SLIT3: variants seen among roughly 807,000 people sequenced by gnomAD.
SLIT3 encodes the protein slit guidance ligand 3.
In SLIT3, 68 loss-of-function variants were observed where a neutral mutation model predicts 184.0. That is an observed-to-expected ratio of 0.37 (90% CI 0.30 to 0.45). The LOEUF (loss-of-function observed/expected upper bound fraction) is 0.45, where lower values mean the gene tolerates loss of function less well. Among genes scored for constraint, SLIT3 ranks in the 20% least tolerant of loss-of-function variants. The pLI is 1.00. For missense variants in SLIT3, 1,707 were observed against 2,026.0 expected (o/e 0.84, Z 3.02); for synonymous variants, 831 against 828.6 (o/e 1.00, Z -0.05).
At chr5:168,744,060 C>A (rs570329166) in intron 20 of SLIT3, among the ~76,000 whole-genome samples, 1 of 152,108 alleles carries the variant, frequency 6.6e-6, no homozygotes, top group Admixed American at 6.5e-5. Flanking sequence ...GAATCCGGGG[C>A]GGGTGGATCA....
chr5:168,849,247 A>G (rs1476672201), intron 5 of SLIT3, among the ~76,000 whole-genome samples: 2 of 152,188 alleles, frequency 1.3e-5, no homozygotes, highest in African/African-American at 4.8e-5. Context: ...CCTCATCCAG[A>G]TGTTCTGGGG....
At chr5:169,016,781 G>A (rs1224779948) in intron 4 of SLIT3, among the ~76,000 whole-genome samples, 1 of 152,092 alleles carries the variant, frequency 6.6e-6, no homozygotes, top group East Asian at 1.9e-4. Context: ...TCAAAGGCTT[G>A]GTGTGATTTT....
At chr5:169,268,298 G>A (rs772571786) in intron 1 of SLIT3, among the ~76,000 whole-genome samples, 1 of 152,142 alleles carries the variant, frequency 6.6e-6, no homozygotes, top group African/African-American at 2.4e-5. Context: ...TTTCACACAT[G>A]GAGGGAATTT....
At chr5:169,215,449 C>G (rs995789728) in intron 3 of SLIT3, among the ~76,000 whole-genome samples, 1 of 152,132 alleles carries the variant, frequency 6.6e-6, no homozygotes, top group African/African-American at 2.4e-5. Context: ...TGAATGAAGG[C>G]TAGGAAACCC....
chr5:169,021,341 G>C (rs746560157), intron 4 of SLIT3, among the ~76,000 whole-genome samples: 5 of 152,074 alleles, frequency 3.3e-5, no homozygotes, highest in Non-Finnish European at 7.4e-5. Flanking sequence ...TTTATGGTGA[G>C]ATAGTATTCT....
At chr5:169,271,399 C>T (rs951994709) in intron 1 of SLIT3, among the ~76,000 whole-genome samples, 3 of 152,182 alleles carry the variant, frequency 2.0e-5, no homozygotes, top group Non-Finnish European at 4.4e-5. Context: ...CCTGGTCCCT[C>T]AAACTCTCAG....
intron 1 of SLIT3, among the ~76,000 whole-genome samples, chr5:169,268,064 T>A (rs1386510334): frequency 2.0e-5 from 3 of 152,238 alleles, no homozygotes; most frequent in African/African-American, 7.2e-5. Context: ...TAAACACTAA[T>A]AAAGTGAGTT....
intron 4 of SLIT3, among the ~76,000 whole-genome samples, chr5:168,946,314 T>C (rs1245913822): frequency 6.6e-6 from 1 of 152,198 alleles, no homozygotes; most frequent in Non-Finnish European, 1.5e-5. Flanking sequence ...TAATAGAGAA[T>C]CAGTCCTGCT....
chr5:168,779,540 T>A (rs770665643), intron 12 of SLIT3, among the ~76,000 whole-genome samples: 5 of 152,180 alleles, frequency 3.3e-5, no homozygotes, highest in Non-Finnish European at 5.9e-5. Flanking sequence ...CTGCCACATA[T>A]GTTCCATGTC....
chr5:169,244,520 T>C (rs1281062865), intron 3 of SLIT3, among the ~76,000 whole-genome samples, 185 bp downstream of exon 3: 1 of 152,222 alleles, frequency 6.6e-6, no homozygotes, highest in Non-Finnish European at 1.5e-5. Context: ...GGAGTGTAAG[T>C]GGATCTCAGT....
At chr5:169,074,985 G>A (rs1250195849) in intron 4 of SLIT3, among the ~76,000 whole-genome samples, 1 of 152,106 alleles carries the variant, frequency 6.6e-6, no homozygotes. Flanking sequence ...AATTAATTAG[G>A]CTGAGAGCTC....
chr5:169,057,429 G>A (rs1164399820), intron 4 of SLIT3, among the ~76,000 whole-genome samples: 2 of 152,220 alleles, frequency 1.3e-5, no homozygotes, highest in African/African-American at 4.8e-5. Context: ...GGGGCAGCCA[G>A]GTGAGCCCAG....
intron 9 of SLIT3, among the ~76,000 whole-genome samples, chr5:168,798,907 A>G (rs1223047023): frequency 1.3e-5 from 2 of 152,166 alleles, no homozygotes; most frequent in African/African-American, 4.8e-5. Context: ...GCTCAGAGAG[A>G]TTAAGTCACT....
chr5:168,733,527 C>A (rs770048414), intron 20 of SLIT3, among the ~76,000 whole-genome samples: 36 of 152,130 alleles, frequency 2.4e-4, no homozygotes, highest in African/African-American at 7.9e-4. Context: ...AGCAAAGATA[C>A]GGAATCAACC....
At chr5:168,743,231 T>A (rs1040969535) in intron 20 of SLIT3, among the ~76,000 whole-genome samples, 1 of 152,278 alleles carries the variant, frequency 6.6e-6, no homozygotes, top group Admixed American at 6.5e-5. Flanking sequence ...TATTGCACTT[T>A]GTAGATATTG....
intron 3 of SLIT3, among the ~76,000 whole-genome samples, chr5:169,240,963 G>A (rs1230999024): frequency 2.0e-5 from 3 of 151,058 alleles, no homozygotes; most frequent in Non-Finnish European, 4.4e-5. Flanking sequence ...ATTACTTCCT[G>A]AATAATTTAA....
At chr5:168,896,459 C>T (rs1023275057) in intron 4 of SLIT3, among the ~76,000 whole-genome samples, 3 of 152,124 alleles carry the variant, frequency 2.0e-5, no homozygotes, top group African/African-American at 4.8e-5. Context: ...AAAAGAAAAA[C>T]CCTGCCTTCT....
At chr5:168,789,260 G>A (rs1485720524) in intron 11 of SLIT3, among the ~76,000 whole-genome samples, 1 of 150,154 alleles carries the variant, frequency 6.7e-6, no homozygotes, top group Non-Finnish European at 1.5e-5. Context: ...TGGGGTGGGA[G>A]GGGGACGTGG....
intron 4 of SLIT3, among the ~76,000 whole-genome samples, chr5:169,182,570 G>A (rs1309474266): frequency 6.6e-6 from 1 of 152,220 alleles, no homozygotes; most frequent in Non-Finnish European, 1.5e-5. Context: ...CCCCTGGAGG[G>A]ATTCCCAAAT....
Sources: allele counts gnomAD v4.1 joint callset (sites outside exome capture counted in the v4.1 genomes callset), GRCh38; gene constraint gnomAD v4.1.1; transcripts MANE v1.5; gene names NCBI Gene and HGNC (gene_info 2026-07-23, HGNC 2026-07-21).